Variants in JMJD1C observed in about 807,000 individuals in gnomAD.
JMJD1C encodes jumonji domain-containing protein 1C.
JMJD1C carries 31 observed loss-of-function variants against 245.3 expected under a neutral mutation model. The ratio of observed to expected loss-of-function variants is 0.13; its 90% CI spans 0.09 to 0.17. The LOEUF (loss-of-function observed/expected upper bound fraction) is 0.17, where lower values mean the gene tolerates loss of function less well. Among genes scored for constraint, JMJD1C ranks in the 10% least tolerant of loss-of-function variants. JMJD1C has a pLI of 1.00. For synonymous variants in JMJD1C, 1,057 were observed against 1,017.4 expected, an observed-to-expected ratio of 1.04 and a Z score of -0.74; for missense variants, 2,691 against 3,000.2, an observed-to-expected ratio of 0.90 and a Z score of 2.41.
At chr10:63,201,720 G>A (rs1024575155) in intron 10 of JMJD1C, among the ~76,000 whole-genome samples, 4 of 151,696 alleles carry the variant, frequency 2.6e-5, no homozygotes, top group Non-Finnish European at 4.4e-5. Context: ...ACCTGAGGTC[G>A]GGAGTTCGAG....
chr10:63,301,523 C>CA (rs2133992002), intron 2 of JMJD1C, among the ~76,000 whole-genome samples: 1 of 152,296 alleles, frequency 6.6e-6, no homozygotes, highest in Non-Finnish European at 1.5e-5. Flanking sequence ...ACAAATAAAA[C>CA]AAATGGCTAA....
intron 2 of JMJD1C, among the ~76,000 whole-genome samples, chr10:63,288,184 A>AT (rs1267555247): frequency 1.3e-5 from 2 of 152,198 alleles, no homozygotes; most frequent in Non-Finnish European, 2.9e-5. Context: ...AAATCCCTGT[A>AT]TAAGTAGATC....
At chr10:63,477,296 T>C (rs930120687) in intron 1 of JMJD1C, among the ~76,000 whole-genome samples, 5 of 151,798 alleles carry the variant, frequency 3.3e-5, no homozygotes, top group African/African-American at 1.2e-4. Flanking sequence ...AATTTCAGAA[T>C]GAAAAAATTG....
intron 2 of JMJD1C, among the ~76,000 whole-genome samples, chr10:63,266,863 T>G (rs531820668): frequency 1.3e-5 from 2 of 152,166 alleles, no homozygotes; most frequent in African/African-American, 4.8e-5. Context: ...TTTTATAATA[T>G]GAAAAACATT....
At chr10:63,262,604 C>A (rs899296348) in intron 3 of JMJD1C, among the ~76,000 whole-genome samples, 3 of 152,130 alleles carry the variant, frequency 2.0e-5, no homozygotes, top group African/African-American at 7.2e-5. Context: ...TCTTTGAACT[C>A]GGAATTCACA....
At chr10:63,462,880 T>G (rs1014990926) in intron 1 of JMJD1C, among the ~76,000 whole-genome samples, 1 of 152,142 alleles carries the variant, frequency 6.6e-6, no homozygotes. Flanking sequence ...TTACGTTAAT[T>G]AAACAATTAT....
In JMJD1C at chr10:63,465,817, G is replaced by A. The variant is rs1953223130; in HGVS notation, c.-155C>T. On this transcript the variant is annotated 5_prime_UTR_variant, in exon 1 of 26. Coordinates refer to ENST00000399262, the MANE Select transcript of JMJD1C (RefSeq NM_032776.3). The stretch of plus-strand genomic sequence containing the variant: ...CGGGACGAACCGGCCGCTCTGCCCC[G>A]GACACAGCGACCTCGGGCCCTCCCC... 3 of 855,752 alleles carry A rather than the reference G, an allele frequency of 3.5e-6. No individual in the cohort carries two copies. Among genetic ancestry groups the A allele is most frequent in the South Asian group, 2.9e-5 (2 of 69,868 alleles). The allele number at this position is 855,752 out of a possible 1,614,324, so 53.0% of individuals were successfully genotyped here.
Position 63,208,583 on chromosome 10 carries a change from C to G in JMJD1C, c.3086G>C (p.Ser1029Thr), listed in dbSNP as rs531173248. Reference protein sequence around the residue: ...KEEHRRILQESIDVAPFTTKI... With the variant: ...KEEHRRILQETIDVAPFTTKI... ...AGTTGTAAAGGGAGCAACATCAATACTTTCTTGAAGAATTCGACGGTGTTC... is the reference window on the plus strand; with the variant it reads ...AGTTGTAAAGGGAGCAACATCAATAGTTTCTTGAAGAATTCGACGGTGTTC... Residue 1029 changes from serine to threonine, a missense_variant, in exon 10 of 26, where the codon AGT becomes ACT. This residue lies in a region of JMJD1C where 1,562 missense variants were observed against 1,490.7 expected (regional missense o/e 1.05). Coordinates refer to ENST00000399262, the MANE Select transcript of JMJD1C (RefSeq NM_032776.3). 3 of 1,613,948 alleles carry G rather than the reference C, an allele frequency of 1.9e-6. No individual in the cohort carries two copies. In the African/African-American group the frequency reaches 4.0e-5, roughly 22 times the overall value.
intron 3 of JMJD1C, among the ~76,000 whole-genome samples, chr10:63,234,507 A>AAAC (rs1850446381): frequency 4.7e-5 from 7 of 149,340 alleles, no homozygotes; most frequent in South Asian, 4.2e-4. Flanking sequence ...AAAAAAAAAA[A>AAAC]AAAAAAAAAA....
At chr10:63,366,497 T>G (rs1318401869) in intron 2 of JMJD1C, among the ~76,000 whole-genome samples, 2 of 152,198 alleles carry the variant, frequency 1.3e-5, no homozygotes, top group Non-Finnish European at 2.9e-5. Flanking sequence ...AAACCTGAGG[T>G]TGGTTTTGGA....
chr10:63,410,394 T>C (rs1313730198), intron 1 of JMJD1C, among the ~76,000 whole-genome samples: 1 of 152,152 alleles, frequency 6.6e-6, no homozygotes, highest in Non-Finnish European at 1.5e-5. Context: ...GTTAACAAAA[T>C]GTAACAGAAA....
chr10:63,313,402 C>T (rs1939502087), intron 2 of JMJD1C, among the ~76,000 whole-genome samples: 1 of 152,186 alleles, frequency 6.6e-6, no homozygotes, highest in Admixed American at 6.5e-5. Context: ...CTGCTTTGAA[C>T]ATGACTGTGC....
At chr10:63,252,885 T>C (rs767228967) in intron 3 of JMJD1C, among the ~76,000 whole-genome samples, 7 of 152,254 alleles carry the variant, frequency 4.6e-5, no homozygotes, top group Non-Finnish European at 8.8e-5. Flanking sequence ...TGAGTTCACA[T>C]TTAGAGCAAA....
intron 1 of JMJD1C, chr10:63,427,658 G>A: frequency 1.5e-6 from 2 of 1,316,734 alleles, no homozygotes; most frequent in Non-Finnish European, 2.2e-6. Context: ...TCTAACAACA[G>A]TGGCTGGACC....
At chr10:63,518,439 G>A (rs1402959809) in intron 1 of JMJD1C, among the ~76,000 whole-genome samples, 2 of 152,160 alleles carry the variant, frequency 1.3e-5, no homozygotes, top group African/African-American at 2.4e-5. Flanking sequence ...ATATTTCGAC[G>A]TGGGGCAAAA....
At chr10:63,250,758 AG>A (rs201026489) in intron 3 of JMJD1C, among the ~76,000 whole-genome samples, 1 of 152,054 alleles carries the variant, frequency 6.6e-6, no homozygotes, top group East Asian at 1.9e-4. Flanking sequence ...TTTGTTTTTA[AG>A]GGAGAGTATC....
intron 1 of JMJD1C, among the ~76,000 whole-genome samples, chr10:63,460,874 T>C (rs372112816): frequency 3.3e-5 from 5 of 152,192 alleles, no homozygotes; most frequent in African/African-American, 1.2e-4. Context: ...AGTTCAATTA[T>C]TCTAATGAAT....
chr10:63,346,107 A>G (rs1427793013), intron 2 of JMJD1C, among the ~76,000 whole-genome samples: 1 of 152,182 alleles, frequency 6.6e-6, no homozygotes, highest in Non-Finnish European at 1.5e-5. Flanking sequence ...CAGTGGTGCA[A>G]TTATAGAACA....
chr10:63,305,639 T>TGTGTGC (rs1392446953), intron 2 of JMJD1C, among the ~76,000 whole-genome samples: 1 of 80,030 alleles, frequency 1.2e-5, no homozygotes, highest in Non-Finnish European at 2.3e-5. Flanking sequence ...CGTGTGTGTG[T>TGTGTGC]GTGTGTGTGT....
Sources: allele counts gnomAD v4.1 joint callset (sites outside exome capture counted in the v4.1 genomes callset), GRCh38; gene constraint gnomAD v4.1.1; regional missense constraint gnomAD v4.1.1; transcripts MANE v1.5; gene names NCBI Gene and HGNC (gene_info 2026-07-23, HGNC 2026-07-21).